Variants in KLRD1 observed in about 807,000 individuals in gnomAD.
KLRD1 encodes the protein natural killer cells antigen CD94.
A neutral mutation model predicts 22.6 loss-of-function variants in KLRD1; 21 were observed. The observed-to-expected ratio is 0.93, with a 90% CI of 0.66 to 1.34. The LOEUF is 1.34. KLRD1 is among the 40% of genes most tolerant of loss of function. The pLI, the probability that KLRD1 is intolerant of heterozygous loss-of-function variation, is 0.00. For synonymous variants in KLRD1, 59 were observed against 71.1 expected (o/e 0.83, Z 0.85); for missense variants, 183 against 208.6 (o/e 0.88, Z 0.76).
chr12:10,243,622 A>C (rs1179240128), intron 1 of KLRD1, among the ~76,000 whole-genome samples: 1 of 149,714 alleles, frequency 6.7e-6, no homozygotes. Flanking sequence ...AAAAAAAAAA[A>C]AAAAAAAAAA....
upstream of KLRD1, among the ~76,000 whole-genome samples, chr12:10,299,521 A>T (rs992108518): frequency 2.6e-5 from 4 of 152,182 alleles, no homozygotes; most frequent in Non-Finnish European, 4.4e-5. Flanking sequence ...CAATAGCATT[A>T]TGTCTTAAAA....
At chr12:10,244,777 C>T (rs1045990207) in intron 1 of KLRD1, among the ~76,000 whole-genome samples, 4 of 147,398 alleles carry the variant, frequency 2.7e-5, no homozygotes, top group Admixed American at 1.4e-4. Flanking sequence ...GAGCGAAACT[C>T]CGTCTCAAAA....
Position 10,328,830 on chromosome 12 carries a change from G to A in KLRD1, c.*14037G>A, listed in dbSNP as rs1950384262. On this transcript the variant is annotated 3_prime_UTR_variant, in exon 6 of 6. Transcript: ENST00000336164. ...TGGACTCACAGTTCCACGTGGCTGG[G>A]GAGGCCTCACTATCATGGCAGAAGG... 1 of 152,218 alleles carries A rather than the reference G, an allele frequency of 6.6e-6. No individual in the cohort carries two copies. Among genetic ancestry groups the A allele is most frequent in the Non-Finnish European group, 1.5e-5 (1 of 68,098 alleles). The allele number at this position is 152,218 out of a possible 1,614,324, so 9.4% of individuals were successfully genotyped here. A position where few individuals can be genotyped will look rare whatever the true frequency, so the allele number is the denominator to read the frequency against.
chr12:10,246,419 T>C (rs1350444140), intron 1 of KLRD1, among the ~76,000 whole-genome samples: 4 of 152,172 alleles, frequency 2.6e-5, no homozygotes, highest in African/African-American at 7.2e-5. Context: ...ATAAATGATA[T>C]AGATGAAGTG....
intron 1 of KLRD1, among the ~76,000 whole-genome samples, chr12:10,282,997 C>T (rs1036876183): frequency 1.3e-5 from 2 of 152,156 alleles, no homozygotes; most frequent in African/African-American, 2.4e-5. Flanking sequence ...TTGATGTATT[C>T]GTGAATGTCC....
At chr12:10,261,773 G>A (rs1215081038) in intron 1 of KLRD1, among the ~76,000 whole-genome samples, 1 of 151,988 alleles carries the variant, frequency 6.6e-6, no homozygotes, top group Non-Finnish European at 1.5e-5. Flanking sequence ...CATTCTCTCT[G>A]GGTCTTGGTT....
At chr12:10,250,743 C>G (rs1592024952) in intron 1 of KLRD1, among the ~76,000 whole-genome samples, 1 of 152,126 alleles carries the variant, frequency 6.6e-6, no homozygotes, top group Non-Finnish European at 1.5e-5. Flanking sequence ...TGATTATTAA[C>G]TTCCATTATA....
At chr12:10,305,990 G>A (rs1302865160), upstream of KLRD1, among the ~76,000 whole-genome samples, 1 of 151,108 alleles carries the variant, frequency 6.6e-6, no homozygotes, top group Admixed American at 6.6e-5. Context: ...GTGAAACCCC[G>A]TCTCTACTAA....
Position 10,248,708 on chromosome 12 carries a change from C to T in KLRD1, c.-101+22475C>T, listed in dbSNP as rs183332485. Among the ~76,000 whole-genome samples, 584 of 151,480 alleles carry T rather than the reference C, an allele frequency of 3.9e-3. 7 individuals carry two copies. Among genetic ancestry groups the T allele is most frequent in the African/African-American group, 0.013 (530 of 41,202 alleles). The stretch of plus-strand genomic sequence containing the variant: ...CGCCTCCTGGGTTCAAGTGATTCTC[C>T]TGCCTCAGCCTCCCAAGTAGCTGGG... On this transcript the variant is annotated intron_variant, in intron 1 of 5. Transcript: ENST00000544747.
chr12:10,298,909 G>T (rs7137026), intron 1 of KLRD1, among the ~76,000 whole-genome samples: 43 of 152,354 alleles, frequency 2.8e-4, no homozygotes, highest in African/African-American at 9.4e-4. Flanking sequence ...CCACTCCACA[G>T]GCCATATTTC....
At chr12:10,312,948 C>T (rs1592092386) in intron 4 of KLRD1, among the ~76,000 whole-genome samples, 1 of 151,708 alleles carries the variant, frequency 6.6e-6, no homozygotes, top group Non-Finnish European at 1.5e-5. Flanking sequence ...GATCGTCCCA[C>T]TGCACTCCAG....
chr12:10,298,200 A>G (rs1949838187), intron 1 of KLRD1, among the ~76,000 whole-genome samples: 1 of 152,228 alleles, frequency 6.6e-6, no homozygotes, highest in South Asian at 2.1e-4. Context: ...AGTTACAAAG[A>G]CAATGTGACT....
intron 1 of KLRD1, among the ~76,000 whole-genome samples, chr12:10,252,270 A>G (rs777564366): frequency 1.3e-5 from 2 of 152,148 alleles, no homozygotes; most frequent in Non-Finnish European, 2.9e-5. Flanking sequence ...TGTTCTATAA[A>G]TGTATGTTCT....
chr12:10,249,891 C>G (rs1382266), intron 1 of KLRD1, among the ~76,000 whole-genome samples: 3,884 of 152,220 alleles, frequency 0.026, 164 homozygotes, highest in African/African-American at 0.085. Context: ...TTTCTTGACC[C>G]AATGACTTCC....
At chr12:10,294,893 T>C (rs1949808527) in intron 1 of KLRD1, among the ~76,000 whole-genome samples, 1 of 152,160 alleles carries the variant, frequency 6.6e-6, no homozygotes, top group African/African-American at 2.4e-5. Flanking sequence ...TACGTTATAG[T>C]AAGATAAATT....
upstream of KLRD1, among the ~76,000 whole-genome samples, chr12:10,305,492 T>G (rs1949908558): frequency 6.6e-6 from 1 of 152,180 alleles, no homozygotes; most frequent in Non-Finnish European, 1.5e-5. Flanking sequence ...ATCTAGCTTC[T>G]AGAGGAGGTG....
intron 1 of KLRD1, among the ~76,000 whole-genome samples, chr12:10,284,603 A>G (rs1163778374): frequency 6.6e-6 from 1 of 152,224 alleles, no homozygotes; most frequent in Non-Finnish European, 1.5e-5. Context: ...TGAGGCTGTT[A>G]ATTCATGTAT....
chr12:10,318,013 C>T lies in KLRD1; in HGVS notation c.*3220C>T, dbSNP rs1950267770. 1 of 152,018 alleles carries T rather than the reference C, an allele frequency of 6.6e-6. No homozygotes were observed. Among genetic ancestry groups the T allele is most frequent in the Admixed American group, 6.5e-5 (1 of 15,280 alleles). The allele number at this position is 152,018 out of a possible 1,614,324, so 9.4% of individuals were successfully genotyped here. ...ACTACCCCCATGATTAAATTACCTC[C>T]TACCAGTTCCCTCACATGATACGTG... On this transcript the variant is annotated 3_prime_UTR_variant, in exon 6 of 6. Coordinates refer to ENST00000336164, the MANE Select transcript of KLRD1 (RefSeq NM_002262.5).
At chr12:10,290,053 A>C (rs1949752571) in intron 1 of KLRD1, among the ~76,000 whole-genome samples, 1 of 152,252 alleles carries the variant, frequency 6.6e-6, no homozygotes, top group African/African-American at 2.4e-5. Flanking sequence ...CTGGGATTAC[A>C]GGCGTGAGCC....
Sources: gnomAD v4.1 joint callset for allele counts (sites outside exome capture counted in the v4.1 genomes callset) on GRCh38, gnomAD v4.1.1 for gene constraint, MANE v1.5 for transcripts, NCBI Gene and HGNC (gene_info 2026-07-23, HGNC 2026-07-21) for gene names.